The following SLC25A12 variants were observed in gnomAD, a reference collection of about 807,000 sequenced individuals.
SLC25A12 encodes electrogenic aspartate/glutamate antiporter SLC25A12, mitochondrial.
Under a neutral mutation model 83.3 loss-of-function variants are expected in SLC25A12, and 32 were observed. The observed-to-expected ratio is 0.38, with a 90% CI of 0.29 to 0.52. The LOEUF is 0.52. Ranked by LOEUF, SLC25A12 falls within the 20% of genes least tolerant of loss-of-function variation. The pLI is 0.84. For synonymous variants in SLC25A12, 267 were observed against 291.1 expected (o/e 0.92, Z 0.84); for missense variants, 611 against 835.6 (o/e 0.73, Z 3.31).
At chr2:171,865,079 T>C (rs763691686) in intron 3 of SLC25A12, among the ~76,000 whole-genome samples, 3 of 152,202 alleles carry the variant, frequency 2.0e-5, no homozygotes, top group African/African-American at 4.8e-5. Context: ...CATAATTCAC[T>C]TTTTTATTAT....
chr2:171,878,564 G>A lies in SLC25A12; in HGVS notation c.67-9741C>T, dbSNP rs146619292. Among the ~76,000 whole-genome samples, 765 of 152,182 alleles carry A rather than the reference G, an allele frequency of 5.0e-3. 12 individuals are homozygous for A. The highest frequency in any genetic ancestry group is 6.8e-3 in the Middle Eastern group (2 of 294). ...CTTCCAGTATTCCTGGGCTTACCACGAGATCGGTCCTGACTGGTCTAGGCA... is the reference window on the plus strand; with the variant it reads ...CTTCCAGTATTCCTGGGCTTACCACAAGATCGGTCCTGACTGGTCTAGGCA... On this transcript the variant is annotated intron_variant, in intron 2 of 17. Transcript: ENST00000422440.
chr2:171,861,231 A>C (rs999996162), intron 3 of SLC25A12, among the ~76,000 whole-genome samples: 2 of 152,206 alleles, frequency 1.3e-5, no homozygotes, highest in African/African-American at 4.8e-5. Context: ...AATTTTCATA[A>C]TAAAATGTTG....
At position 171,809,626 on chromosome 2, in the gene SLC25A12, C is replaced by A; in HGVS notation, c.1285G>T (p.Glu429Ter). 6.2e-7 allele frequency: 1 copy of A among 1,613,712 alleles called. No homozygotes were observed. Residue 429 changes from glutamate (E) to a stop codon, truncating the protein, a stop_gained, in exon 13 of 18, where the codon GAA (glutamate) becomes TAA (stop). Coordinates refer to ENST00000422440, the MANE Select transcript of SLC25A12 (RefSeq NM_003705.5). LOFTEE classifies it high-confidence loss of function. ...RRDGSVPLPA[E>*]VLAGGCAGGS... ...CTTACACAGCCTCCAGCAAGAACTT[C>A]TGCTGGAAGTGGAACAGAGCCATCT...
At chr2:171,846,271 C>A (rs1174605946) in intron 4 of SLC25A12, among the ~76,000 whole-genome samples, 2 of 151,868 alleles carry the variant, frequency 1.3e-5, no homozygotes, top group Admixed American at 6.6e-5. Flanking sequence ...AATTAAGTAA[C>A]ATTACAATTA....
intron 5 of SLC25A12, among the ~76,000 whole-genome samples, chr2:171,839,313 C>A (rs554247781): frequency 1.3e-5 from 2 of 152,224 alleles, no homozygotes; most frequent in African/African-American, 4.8e-5. Flanking sequence ...CCCATAGTTT[C>A]AAATCTGTGC....
At position 171,791,526 on chromosome 2, in the gene SLC25A12, G is replaced by T. The variant is rs1223036763; in HGVS notation, c.1510C>A (p.His504Asn). 1 of 1,613,326 alleles carries T rather than the reference G, an allele frequency of 6.2e-7. No individual in the cohort carries two copies. The highest frequency in any genetic ancestry group is 1.3e-5 in the African/African-American group (1 of 74,896). Reference sequence around the variant, plus strand: ...TCATCAGCCAGAAGTAGTTTGCAATGAGCATAAACAGGAAAATAGATTGCA... The same window carrying T: ...TCATCAGCCAGAAGTAGTTTGCAATTAGCATAAACAGGAAAATAGATTGCA... ...FSAIYFPVYAHCKLLLADENG... is the reference protein window; with the variant it reads ...FSAIYFPVYANCKLLLADENG... The change falls in exon 15 of 18, where the codon CAT becomes AAT. Residue 504 changes from histidine (H) to asparagine (N), a missense_variant. His to Asn is a moderately conservative substitution (Grantham distance 68). Around this residue, in one of 3 missense-constraint regions of SLC25A12, gnomAD observed 540 missense variants for 777.5 expected, o/e 0.69. Coordinates refer to ENST00000422440, the MANE Select transcript of SLC25A12 (RefSeq NM_003705.5).
At chr2:171,873,661 T>G (rs1345192690) in intron 2 of SLC25A12, among the ~76,000 whole-genome samples, 18 of 152,074 alleles carry the variant, frequency 1.2e-4, no homozygotes, top group African/African-American at 3.9e-4. Flanking sequence ...ATCACTCAAT[T>G]ACCCACCCCA....
chr2:171,871,083 T>C (rs1267611329), intron 2 of SLC25A12, among the ~76,000 whole-genome samples: 4 of 152,098 alleles, frequency 2.6e-5, no homozygotes, highest in African/African-American at 9.7e-5. Flanking sequence ...ACACCTGTAC[T>C]CCCAGCTATG....
At chr2:171,892,350 C>A (rs1480186849) in intron 2 of SLC25A12, among the ~76,000 whole-genome samples, 1 of 152,080 alleles carries the variant, frequency 6.6e-6, no homozygotes, top group Non-Finnish European at 1.5e-5. Context: ...CTCAGCCTCC[C>A]GAGTAGCTGG....
At chr2:171,893,331 C>T (rs1013431323) in intron 1 of SLC25A12, 73 bp from the exon 2 acceptor site, 42 of 1,260,594 alleles carry the variant, frequency 3.3e-5, no homozygotes, top group Non-Finnish European at 4.8e-5. Context: ...GATTAGAGGT[C>T]ACATGGCTAA....
intron 10 of SLC25A12, 44 bp downstream of exon 10, chr2:171,815,077 T>G (rs1259136682): frequency 1.4e-5 from 20 of 1,480,602 alleles, no homozygotes; most frequent in Admixed American, 3.3e-5. Flanking sequence ...GAGATAATAT[T>G]ACATTAACAC....
chr2:171,819,438 T>A (rs112596775), intron 9 of SLC25A12, among the ~76,000 whole-genome samples: 1,255 of 90,208 alleles, frequency 0.014, 19 homozygotes, highest in African/African-American at 0.043. Context: ...CATAATAATA[T>A]ATAATATATA....
intron 3 of SLC25A12, among the ~76,000 whole-genome samples, chr2:171,866,983 A>C: frequency 1.5e-5 from 2 of 131,756 alleles, no homozygotes; most frequent in African/African-American, 5.9e-5. Context: ...GACGCTCCTC[A>C]CCTCCCAGAC....
rs972208605 is a variant in SLC25A12, at chr2:171,785,010, G to A, written c.*264C>T. On this transcript the variant is annotated 3_prime_UTR_variant, in exon 18 of 18. Coordinates refer to ENST00000422440, the MANE Select transcript of SLC25A12 (RefSeq NM_003705.5). ...TACAATCACTGTAAGTGCAAGCTGT[G>A]CAAAGCAGAGTCTAGAACACTAATT... 1.0e-4 allele frequency: 43 copies of A among 426,648 alleles called. No individual in the cohort carries two copies. The highest frequency in any genetic ancestry group is 1.7e-4 in the Non-Finnish European group (38 of 226,680). 26.4% of individuals were successfully genotyped at this position (426,648 alleles called of 1,614,324 possible).
intron 5 of SLC25A12, among the ~76,000 whole-genome samples, chr2:171,842,828 T>C (rs1684707801): frequency 6.6e-6 from 1 of 152,158 alleles, no homozygotes; most frequent in South Asian, 2.1e-4. Context: ...CTTTTATTTA[T>C]TTTTAATTTT....
chr2:171,801,907 CTGTGTGTGTGTGTGTGTG>C (rs3058854), intron 13 of SLC25A12, among the ~76,000 whole-genome samples: 55 of 145,400 alleles, frequency 3.8e-4, no homozygotes, highest in Non-Finnish European at 5.0e-4. Flanking sequence ...ATATCTGGAT[CTGTGTGTGTGTGTGTGTG>C]TGTGTGTGTG....
At chr2:171,871,767 A>G (rs1685462247) in intron 2 of SLC25A12, 1 of 983,576 alleles carries the variant, frequency 1.0e-6, no homozygotes, top group African/African-American at 1.7e-5. Flanking sequence ...GTATTGTTCC[A>G]TGGCTTGCAG....
intron 13 of SLC25A12, among the ~76,000 whole-genome samples, chr2:171,799,059 C>T (rs1415386284): frequency 6.6e-6 from 1 of 151,978 alleles, no homozygotes; most frequent in African/African-American, 2.4e-5. Flanking sequence ...AAGCACACAG[C>T]AGCAAGGTAC....
At chr2:171,877,658 A>C (rs1574002575) in intron 2 of SLC25A12, among the ~76,000 whole-genome samples, 1 of 149,374 alleles carries the variant, frequency 6.7e-6, no homozygotes, top group Non-Finnish European at 1.5e-5. Flanking sequence ...GACCAGAAGA[A>C]GACTCCATCC....
Sources: gnomAD v4.1 joint callset for allele counts (sites outside exome capture counted in the v4.1 genomes callset) on GRCh38, gnomAD v4.1.1 for gene constraint, gnomAD v4.1.1 regional missense constraint, MANE v1.5 for transcripts, NCBI Gene and HGNC (gene_info 2026-07-23, HGNC 2026-07-21) for gene names.